MOXD1: variants seen among roughly 807,000 people sequenced by gnomAD.
The protein encoded by MOXD1 is DBH-like monooxygenase protein 1.
Under a neutral mutation model 66.6 loss-of-function variants are expected in MOXD1, and 62 were observed. The observed-to-expected ratio is 0.93, with a 90% CI of 0.76 to 1.15. MOXD1 has a LOEUF of 1.15. Among genes scored for constraint, MOXD1 ranks in the 50% most tolerant of loss-of-function variants. The probability of loss-of-function intolerance (pLI) is 0.00; values close to 1 mark genes in which losing one functional copy is unlikely to be tolerated. For missense variants in MOXD1, 847 were observed against 754.6 expected (o/e 1.12, Z -1.44); for synonymous variants, 303 against 281.9 (o/e 1.07, Z -0.75).
At chr6:132,397,439 T>C (rs1171183710) in intron 1 of MOXD1, among the ~76,000 whole-genome samples, 1 of 152,158 alleles carries the variant, frequency 6.6e-6, no homozygotes, top group Admixed American at 6.5e-5. Flanking sequence ...ATTATTTGGG[T>C]TGATTCTTTA....
At chr6:132,391,723 A>C (rs1445207051) in intron 1 of MOXD1, 1 of 152,648 alleles carries the variant, frequency 6.6e-6, no homozygotes, top group Non-Finnish European at 1.5e-5. Context: ...GTTTCTTTGA[A>C]GTAGACTCTT....
chr6:132,398,353 T>C (rs1303729759), intron 1 of MOXD1, among the ~76,000 whole-genome samples: 1 of 152,048 alleles, frequency 6.6e-6, no homozygotes, highest in African/African-American at 2.4e-5. Context: ...ATTAGGAAAA[T>C]AAAAGTCAGA....
chr6:132,318,835 T>C (rs1775012581), intron 9 of MOXD1, among the ~76,000 whole-genome samples: 1 of 152,206 alleles, frequency 6.6e-6, no homozygotes, highest in Non-Finnish European at 1.5e-5. Flanking sequence ...CATTGATTTT[T>C]ATGCATTGTG....
chr6:132,300,513 A>C (rs1322718530), intron 10 of MOXD1, among the ~76,000 whole-genome samples: 2 of 152,176 alleles, frequency 1.3e-5, no homozygotes, highest in Non-Finnish European at 2.9e-5. Context: ...TAACCATCTG[A>C]AACACCACAA....
intron 4 of MOXD1, among the ~76,000 whole-genome samples, chr6:132,353,616 A>C (rs918771597): frequency 6.6e-6 from 1 of 152,080 alleles, no homozygotes; most frequent in East Asian, 1.9e-4. Flanking sequence ...TCTTAACTTC[A>C]TCATAACCTG....
chr6:132,396,318 GA>G (rs1019728595), intron 1 of MOXD1, among the ~76,000 whole-genome samples: 152 of 150,496 alleles, frequency 1.0e-3, no homozygotes, highest in African/African-American at 3.2e-3. Flanking sequence ...AATTAAAGAG[GA>G]AAAAAAAATT....
At position 132,356,164 on chromosome 6, in the gene MOXD1, T is replaced by G. The variant is rs566160467; in HGVS notation, c.663+16444A>C. 4.6e-5 allele frequency among the ~76,000 whole-genome samples: 7 copies of G among 152,346 alleles called. No individual in the cohort carries two copies. In the East Asian group the frequency reaches 1.3e-3, roughly 29 times the overall value. On this transcript the variant is annotated intron_variant, in intron 4 of 11. Transcript: ENST00000367963. The stretch of plus-strand genomic sequence containing the variant: ...TCTTGATTCTGGTTTCATGAGTCAG[T>G]TCACCTTATGAAAATTCAATGAGTT...
chr6:132,367,016 T>A (rs1776162793), intron 4 of MOXD1, among the ~76,000 whole-genome samples: 2 of 152,114 alleles, frequency 1.3e-5, no homozygotes, highest in African/African-American at 2.4e-5. Flanking sequence ...GCATGGATAT[T>A]TCATGGGAGA....
At chr6:132,333,335 CA>C (rs35163669) in intron 4 of MOXD1, among the ~76,000 whole-genome samples, 297 of 72,484 alleles carry the variant, frequency 4.1e-3, no homozygotes, top group Middle Eastern at 0.019. Context: ...GACTCCGTCT[CA>C]AAAAAAAAAA....
At chr6:132,360,679 A>G (rs1776000886) in intron 4 of MOXD1, among the ~76,000 whole-genome samples, 1 of 152,084 alleles carries the variant, frequency 6.6e-6, no homozygotes, top group African/African-American at 2.4e-5. Context: ...GCTCTCTAAT[A>G]TTTATGTGTA....
intron 1 of MOXD1, among the ~76,000 whole-genome samples, chr6:132,386,575 A>G (rs2091202862): frequency 6.6e-6 from 1 of 151,478 alleles, no homozygotes. Flanking sequence ...ACAGTTTTAT[A>G]GTTGCTAATG....
intron 1 of MOXD1, among the ~76,000 whole-genome samples, chr6:132,398,199 A>G (rs1295225492): frequency 6.6e-6 from 1 of 151,944 alleles, no homozygotes; most frequent in Admixed American, 6.6e-5. Flanking sequence ...GCCTCCAGTC[A>G]CTCTTAGATT....
Position 132,349,450 on chromosome 6 carries a change from T to C in MOXD1, c.664-20856A>G, listed in dbSNP as rs868619435. 1.4e-3 allele frequency among the ~76,000 whole-genome samples: 79 copies of C among 54,584 alleles called. 4 individuals carry two copies. The highest frequency in any genetic ancestry group is 0.012 in the East Asian group (7 of 606). 35.8% of individuals were successfully genotyped at this position (54,584 alleles called of 152,430 possible). ...ATATATATATACATATATATATATA[T>C]ACATATATATATATACATATATATA... On this transcript the variant is annotated intron_variant, in intron 4 of 11. Transcript: ENST00000367963.
chr6:132,340,677 C>T (rs1461645640), intron 4 of MOXD1, among the ~76,000 whole-genome samples: 1 of 114,148 alleles, frequency 8.8e-6, no homozygotes, highest in East Asian at 3.0e-4. Context: ...GCCGGAGTCT[C>T]GCTCTGTCAC....
intron 10 of MOXD1, among the ~76,000 whole-genome samples, chr6:132,307,613 T>C (rs1417080802): frequency 6.6e-6 from 1 of 152,172 alleles, no homozygotes; most frequent in Non-Finnish European, 1.5e-5. Context: ...GACCACATAA[T>C]TGGAAGTAAA....
intron 4 of MOXD1, among the ~76,000 whole-genome samples, chr6:132,357,336 T>C (rs909288728): frequency 6.6e-6 from 1 of 152,122 alleles, no homozygotes; most frequent in African/African-American, 2.4e-5. Flanking sequence ...ATTTCCTGTT[T>C]ACCACTGAAA....
intron 1 of MOXD1, among the ~76,000 whole-genome samples, chr6:132,377,960 T>C (rs1455071420): frequency 1.3e-5 from 2 of 152,014 alleles, no homozygotes; most frequent in East Asian, 1.9e-4. Flanking sequence ...AAACCCCGTC[T>C]CTACTAAAAA....
intron 1 of MOXD1, among the ~76,000 whole-genome samples, chr6:132,385,059 A>G (rs951009953): frequency 2.6e-5 from 4 of 152,196 alleles, no homozygotes; most frequent in South Asian, 2.1e-4. Flanking sequence ...AAGAGTCAAT[A>G]GAACTTGACG....
At chr6:132,359,387 A>T (rs913883016) in intron 4 of MOXD1, among the ~76,000 whole-genome samples, 44 of 152,298 alleles carry the variant, frequency 2.9e-4, no homozygotes, top group African/African-American at 9.9e-4. Context: ...TTCACTTTAA[A>T]GAACTAAATG....
Sources: gnomAD v4.1 joint callset for allele counts (sites outside exome capture counted in the v4.1 genomes callset) on GRCh38, gnomAD v4.1.1 for gene constraint, MANE v1.5 for transcripts, NCBI Gene and HGNC (gene_info 2026-07-23, HGNC 2026-07-21) for gene names.